Variants in TBR1 observed in about 807,000 individuals in gnomAD.
TBR1 encodes T-box brain transcription factor 1.
In TBR1, 7 loss-of-function variants were observed where a neutral mutation model predicts 60.3. That is an observed-to-expected ratio of 0.12 (90% CI 0.07 to 0.22). The LOEUF (loss-of-function observed/expected upper bound fraction) is 0.22. Ranked by LOEUF, TBR1 falls within the 10% of genes least tolerant of loss-of-function variation. The pLI is 1.00. For missense variants in TBR1, 616 were observed against 936.8 expected (o/e 0.66, Z 4.47); for synonymous variants, 417 against 409.9 (o/e 1.02, Z -0.21).
chr2:161,425,580 C>A lies in TBR1; in HGVS notation c.*1353C>A, dbSNP rs1410785074. On this transcript the variant is annotated 3_prime_UTR_variant, in exon 6 of 6. Coordinates refer to ENST00000389554, the MANE Select transcript of TBR1 (RefSeq NM_006593.4). ...TAGTAGGATTTCTAATGTTGTGTAGCAAACCTATACTTTTTTGTATTTAAA... is the reference window on the plus strand; with the variant it reads ...TAGTAGGATTTCTAATGTTGTGTAGAAAACCTATACTTTTTTGTATTTAAA... 6.6e-6 allele frequency: 1 copy of A among 152,184 alleles called. No homozygotes were observed. The highest frequency in any genetic ancestry group is 2.4e-5 in the African/African-American group (1 of 41,450). 9.4% of individuals were successfully genotyped at this position (152,184 alleles called of 1,614,324 possible).
rs1250367641 is a variant in TBR1 at position 161,424,748 on chromosome 2, G to A, written c.*521G>A. On this transcript the variant is annotated 3_prime_UTR_variant, in exon 6 of 6. Coordinates refer to ENST00000389554, the MANE Select transcript of TBR1 (RefSeq NM_006593.4). The surrounding 1 kb of genome is among the most constrained non-coding windows in gnomAD (Gnocchi z 4.4). ...ATGTTAATAATTTTAGTGGAACAAAGCCTGTGAAATGATTGTACATAGTGT... is the reference window on the plus strand; with the variant it reads ...ATGTTAATAATTTTAGTGGAACAAAACCTGTGAAATGATTGTACATAGTGT... 1 of 153,474 alleles carries A rather than the reference G, an allele frequency of 6.5e-6. No individual in the cohort carries two copies. The highest frequency in any genetic ancestry group is 2.4e-5 in the African/African-American group (1 of 41,466). The allele number at this position is 153,474 out of a possible 1,614,324, so 9.5% of individuals were successfully genotyped here.
chr2:161,417,451 T>C lies in TBR1; in HGVS notation c.693-225T>C. On this transcript the variant is annotated intron_variant, in intron 1 of 5. Transcript: ENST00000389554. This position sits in a 1 kb window ranked among gnomAD's most constrained non-coding sequence, Gnocchi z 5.3. ...CCAACCTCGCTCTCCACCTGGGCAGTGATAACTGCCACCTTCCCACTCCAG... is the reference window on the plus strand; with the variant it reads ...CCAACCTCGCTCTCCACCTGGGCAGCGATAACTGCCACCTTCCCACTCCAG... The C allele has an allele frequency of 1.6e-6, 1 of 624,290 alleles. No individual in the cohort carries two copies. The highest frequency in any genetic ancestry group is 2.7e-6 in the Non-Finnish European group (1 of 368,842). 38.7% of individuals were successfully genotyped at this position (624,290 alleles called of 1,614,324 possible).
At position 161,416,733 on chromosome 2, in the gene TBR1, C is replaced by G. The variant is rs1479490957; in HGVS notation, c.323C>G (p.Ser108Cys). Residue 108 changes from serine (S) to cysteine (C), a missense_variant, in exon 1 of 6, where the codon TCT becomes TGT. Ser to Cys is a moderately radical substitution (Grantham distance 112, BLOSUM62 -1). Around this residue, in one of 8 missense-constraint regions of TBR1, gnomAD observed 211 missense variants for 268.7 expected, o/e 0.79. Coordinates refer to ENST00000389554, the MANE Select transcript of TBR1 (RefSeq NM_006593.4). The surrounding 1 kb of genome is among the most constrained non-coding windows in gnomAD (Gnocchi z 6.1). ...TCTGCTGCAGATCGCTACCTCCTCT[C>G]TCAGTCCAGCCAGCCACAGTCTGCG... ...DGSAADRYLL[S>C]QSSQPQSAAT... is the part of the protein sequence containing the mutation. The G allele has an allele frequency of 6.2e-7, 1 of 1,614,132 alleles. No individual in the cohort carries two copies. Among genetic ancestry groups the G allele is most frequent in the Non-Finnish European group, 8.5e-7 (1 of 1,180,010 alleles).
At position 161,418,845 on chromosome 2, in the gene TBR1, C is replaced by A. The variant is rs757112754; in HGVS notation, c.970-47C>A. The A allele has an allele frequency of 6.3e-6, 10 of 1,586,676 alleles. No individual in the cohort carries two copies. In the Admixed American group the frequency reaches 1.6e-4, roughly 25 times the overall value. ...GCGCACACAGCCACGCGCACAGCGA[C>A]CGCGTTAACACGCCACCCGGCGCTC... On this transcript the variant is annotated intron_variant, in intron 3 of 5. Coordinates refer to ENST00000389554, the MANE Select transcript of TBR1 (RefSeq NM_006593.4).
Position 161,424,528 on chromosome 2 carries a change from A to C in TBR1, c.*301A>C. On this transcript the variant is annotated 3_prime_UTR_variant, in exon 6 of 6. Coordinates refer to ENST00000389554, the MANE Select transcript of TBR1 (RefSeq NM_006593.4). The surrounding 1 kb of genome is among the most constrained non-coding windows in gnomAD (Gnocchi z 4.4). ...TTCCCCTCCCCCTCGTCTTTCTCTT[A>C]CCTCCTACTTCTCTTTCTTGTAATG... is the stretch of plus-strand genomic sequence containing the variant. 3.0e-6 allele frequency: 1 copy of C among 335,854 alleles called. No homozygotes were observed. The highest frequency in any genetic ancestry group is 5.5e-6 in the Non-Finnish European group (1 of 182,298). The allele number at this position is 335,854 out of a possible 1,614,324, so 20.8% of individuals were successfully genotyped here.
At position 161,423,830 on chromosome 2, in the gene TBR1, C is replaced by T; in HGVS notation, c.1652C>T (p.Pro551Leu). 1 of 1,471,990 alleles carries T rather than the reference C, an allele frequency of 6.8e-7. No individual in the cohort carries two copies. Among genetic ancestry groups the T allele is most frequent in the Non-Finnish European group, 9.0e-7 (1 of 1,115,484 alleles). 91.2% of individuals were successfully genotyped at this position (1,471,990 alleles called of 1,614,324 possible). A position where few individuals can be genotyped will look rare whatever the true frequency, so the allele number is the denominator to read the frequency against. Residue 551 changes from proline to leucine, a missense_variant, in exon 6 of 6, where the codon CCG (proline) becomes CTG (leucine). By Grantham distance (98) the Pro-to-Leu change is moderately conservative. Coordinates refer to ENST00000389554, the MANE Select transcript of TBR1 (RefSeq NM_006593.4). ...TCGGGCTGGGGCGCCCGCAGTCCCC[C>T]GCAGTACTGCGGCACCAAGTCGGGC... ...DPSGWGARSP[P>L]QYCGTKSGSV...
At chr2:161,423,075 A>G (rs772652529) in intron 5 of TBR1, 8 of 313,952 alleles carry the variant, frequency 2.5e-5, no homozygotes, top group Non-Finnish European at 4.6e-5. Context: ...GTACCCCAGT[A>G]CACTTGACGA....
rs548714969 is a variant in TBR1, at chr2:161,424,848, C to G, written c.*621C>G. ...CCAGTTCATGCTTAACCTTTTTTTC[C>G]TTTCCTTTCTTTGCTTTTCTTTCTC... is the stretch of plus-strand genomic sequence containing the variant. On this transcript the variant is annotated 3_prime_UTR_variant, in exon 6 of 6. Coordinates refer to ENST00000389554, the MANE Select transcript of TBR1 (RefSeq NM_006593.4). The surrounding 1 kb of genome is among the most constrained non-coding windows in gnomAD (Gnocchi z 4.4). 2 of 152,608 alleles carry G rather than the reference C, an allele frequency of 1.3e-5. No individual in the cohort carries two copies. The highest frequency in any genetic ancestry group is 4.8e-5 in the African/African-American group (2 of 41,536). The allele number at this position is 152,608 out of a possible 1,614,324, so 9.5% of individuals were successfully genotyped here. A position where few individuals can be genotyped will look rare whatever the true frequency, so the allele number is the denominator to read the frequency against.
At position 161,416,348 on chromosome 2, in the gene TBR1, G is replaced by A; in HGVS notation, c.-63G>A. 7.4e-7 allele frequency: 1 copy of A among 1,347,212 alleles called. No homozygotes were observed. 83.5% of individuals were successfully genotyped at this position (1,347,212 alleles called of 1,614,324 possible). On this transcript the variant is annotated 5_prime_UTR_variant, in exon 1 of 6. Coordinates refer to ENST00000389554, the MANE Select transcript of TBR1 (RefSeq NM_006593.4). The surrounding 1 kb of genome is among the most constrained non-coding windows in gnomAD (Gnocchi z 6.1). ...TAGTGAGGGGGTCTGTGGATTTCTA[G>A]TTTATGATAAATAGGACTTTAAAAA...
In TBR1 at chr2:161,416,792, G is replaced by A. The variant is rs745544490; in HGVS notation, c.382G>A (p.Gly128Ser). 2 of 1,614,090 alleles carry A rather than the reference G, an allele frequency of 1.2e-6. No individual in the cohort carries two copies. The highest frequency in any genetic ancestry group is 2.2e-5 in the East Asian group (1 of 44,870). The change falls in exon 1 of 6, where the codon GGC becomes AGC. Residue 128 changes from glycine to serine, a missense_variant. Physicochemically the swap from Gly to Ser is moderately conservative, Grantham distance 56. Transcript: ENST00000389554. This position sits in a 1 kb window ranked among gnomAD's most constrained non-coding sequence, Gnocchi z 6.1. ...TAPSAMFPYP[G>S]QHGPAHPAFS... Reference sequence around the variant, plus strand: ...TCCCAGTGCCATGTTCCCGTACCCCGGCCAGCACGGACCGGCGCACCCCGC... The same window carrying A: ...TCCCAGTGCCATGTTCCCGTACCCCAGCCAGCACGGACCGGCGCACCCCGC...
At chr2:161,421,701 C>G (rs190847530) in intron 5 of TBR1, 97 of 152,294 alleles carry the variant, frequency 6.4e-4, no homozygotes, top group African/African-American at 2.3e-3. Flanking sequence ...TGGTGATAAA[C>G]AGAGAAGATA....
At chr2:161,418,006 A>G in intron 2 of TBR1, 176 bp downstream of exon 2, 2 of 1,451,946 alleles carry the variant, frequency 1.4e-6, no homozygotes, top group Non-Finnish European at 1.8e-6. Context: ...ATTATGCAAA[A>G]GCTATTTTAA....
rs373819162 is a variant in TBR1 at position 161,417,676 on chromosome 2, G to A, written c.693G>A (p.Arg231=). 17 of 1,608,924 alleles carry A rather than the reference G, an allele frequency of 1.1e-5. No homozygotes were observed. The highest frequency in any genetic ancestry group is 5.4e-5 in the African/African-American group (4 of 74,526). ...TCCCCCCACCCCTTAATTTAAATAG[G>A]CGCATGTTTCCTTTTTTAAGTTTTA... is the stretch of plus-strand genomic sequence containing the variant. ...QTEMIITKQG[R]RMFPFLSFNI... Residue 231 remains arginine, a splice_region_variant and synonymous_variant, in exon 2 of 6, where the codon AGG becomes AGA. Coordinates refer to ENST00000389554, the MANE Select transcript of TBR1 (RefSeq NM_006593.4). The surrounding 1 kb of genome is among the most constrained non-coding windows in gnomAD (Gnocchi z 5.3).
chr2:161,418,804 C>T, intron 3 of TBR1, 88 bp from the exon 4 acceptor site: 1 of 1,506,150 alleles, frequency 6.6e-7, no homozygotes, highest in Non-Finnish European at 8.9e-7. Flanking sequence ...CTCCGCCGGC[C>T]CGGGCGCGCA....
chr2:161,423,237 C>G (rs1272038044), intron 5 of TBR1, 132 bp from the exon 6 acceptor site: 1 of 598,648 alleles, frequency 1.7e-6, no homozygotes, highest in East Asian at 3.1e-5. Flanking sequence ...AAATCCTGGA[C>G]TGCAAGTTTG....
chr2:161,418,255 G>A lies in TBR1; in HGVS notation c.902G>A (p.Arg301His). 1 of 1,614,012 alleles carries A rather than the reference G, an allele frequency of 6.2e-7. No individual in the cohort carries two copies. The highest frequency in any genetic ancestry group is 8.5e-7 in the Non-Finnish European group (1 of 1,180,002). The change falls in exon 3 of 6, where the codon CGC becomes CAC. Residue 301 changes from arginine (R) to histidine (H), a missense_variant. By Grantham distance (29) the Arg-to-His change is conservative (BLOSUM62 0). Transcript: ENST00000389554. The stretch of plus-strand genomic sequence containing the variant: ...CCCAACACTGGGGCTCACTGGATGC[G>A]CCAAGAAATCTCTTTTGGAAAATTA... The part of the protein sequence containing the change: ...DSPNTGAHWM[R>H]QEISFGKLKL...
At chr2:161,420,845 T>C (rs961119324) in intron 5 of TBR1, 2 of 152,296 alleles carry the variant, frequency 1.3e-5, no homozygotes, top group Admixed American at 6.5e-5. Flanking sequence ...GAACCGCTGT[T>C]ATGGTCATTT....
rs1427685082 is a variant in TBR1 at position 161,419,069 on chromosome 2, TG to T, written c.1128+24del. The T allele has an allele frequency of 6.2e-7, 1 of 1,613,536 alleles. No individual in the cohort carries two copies. Among genetic ancestry groups the T allele is most frequent in the South Asian group, 1.1e-5 (1 of 90,984 alleles). On this transcript the variant is annotated intron_variant, in intron 4 of 5. Transcript: ENST00000389554. ...CACGGATGTAAGGAGACCTAGGGGCTGGGGGCGAGGCGGGCGGCACAGACAT... is the reference window on the plus strand; with the variant it reads ...CACGGATGTAAGGAGACCTAGGGGCTGGGGCGAGGCGGGCGGCACAGACAT...
rs745459686 is a variant in TBR1, at chr2:161,416,901, C to G, written c.491C>G (p.Ser164Cys). 1 of 1,613,972 alleles carries G rather than the reference C, an allele frequency of 6.2e-7. No individual in the cohort carries two copies. Among genetic ancestry groups the G allele is most frequent in the Non-Finnish European group, 8.5e-7 (1 of 1,180,010 alleles). Residue 164 changes from serine (S) to cysteine (C), a missense_variant, in exon 1 of 6, where the codon TCC becomes TGC. Around this residue, in one of 8 missense-constraint regions of TBR1, gnomAD observed 211 missense variants for 268.7 expected, o/e 0.79. Transcript: ENST00000389554. The surrounding 1 kb of genome is among the most constrained non-coding windows in gnomAD (Gnocchi z 6.1). ...GCCTACAACAGCCTCCTGTCCAACT[C>G]CTCGCCGCAGGGATACCCCACGGCC... ...NGAYNSLLSN[S>C]SPQGYPTAGY...
Sources: allele counts gnomAD v4.1 joint callset, GRCh38; gene constraint gnomAD v4.1.1; regional missense constraint gnomAD v4.1.1; non-coding constraint Gnocchi (gnomAD v3.1); transcripts MANE v1.5; gene names NCBI Gene and HGNC (gene_info 2026-07-23, HGNC 2026-07-21).